The following ENTREP3 variants were observed in gnomAD, a reference collection of about 807,000 sequenced individuals.
ENTREP3 encodes endosomal transmembrane epsin interactor 3.
the ENTREP3 span, chr1:155,252,068 C>T: frequency 1.1e-5 from 6 of 527,566 alleles, no homozygotes; most frequent in South Asian, 1.8e-4. Context: ...CTCCTTAACC[C>T]CACGCTCACC....
At chr1:155,254,459 G>A in the ENTREP3 span, 1 of 1,614,174 alleles carries the variant, frequency 6.2e-7, no homozygotes. This position sits in a 1 kb window ranked among gnomAD's most constrained non-coding sequence, Gnocchi z 4.4. Flanking sequence ...AACGCCAGCT[G>A]GGGACAGAGT....
chr1:155,250,323 A>G, the ENTREP3 span: 7,467 of 1,546,714 alleles, frequency 4.8e-3, 79 homozygotes, highest in South Asian at 0.032. This position sits in a 1 kb window ranked among gnomAD's most constrained non-coding sequence, Gnocchi z 5.4. Context: ...GGACCGTGGC[A>G]GCAGCAGCGG....
At chr1:155,250,299 C>A in the ENTREP3 span, 1 of 1,547,502 alleles carries the variant, frequency 6.5e-7, no homozygotes, top group East Asian at 2.5e-5. This position sits in a 1 kb window ranked among gnomAD's most constrained non-coding sequence, Gnocchi z 5.4. Context: ...GGTCGTGATG[C>A]CTGGGTCGCT....
chr1:155,251,316 G>A, the ENTREP3 span: 1 of 761,560 alleles, frequency 1.3e-6, no homozygotes, highest in East Asian at 2.7e-5. Flanking sequence ...CTGTATGGCA[G>A]AAATGATAGC....
the ENTREP3 span, among the ~76,000 whole-genome samples, chr1:155,249,885 C>CAA: frequency 9.6e-5 from 3 of 31,106 alleles, no homozygotes; most frequent in Non-Finnish European, 1.2e-4. Context: ...GACACCGTCT[C>CAA]AAAAAAAAAA....
At chr1:155,252,712 A>AT in the ENTREP3 span, 3 of 50,148 alleles carry the variant, frequency 6.0e-5, no homozygotes, top group African/African-American at 3.3e-4. Context: ...ATATATATAT[A>AT]TATATATATA....
the ENTREP3 span, chr1:155,251,187 G>C: frequency 1.1e-5 from 17 of 1,574,072 alleles, no homozygotes; most frequent in Non-Finnish European, 1.5e-5. Flanking sequence ...CAGGGTCAAG[G>C]GTTCAGCCCT....
At chr1:155,254,425 G>A in the ENTREP3 span, 1 of 1,614,204 alleles carries the variant, frequency 6.2e-7, no homozygotes, top group Non-Finnish European at 8.5e-7. This position sits in a 1 kb window ranked among gnomAD's most constrained non-coding sequence, Gnocchi z 4.4. Context: ...CCGCTTCCAG[G>A]ACACAATGCC....
At chr1:155,250,739 C>T in the ENTREP3 span, 1 of 1,612,834 alleles carries the variant, frequency 6.2e-7, no homozygotes, top group African/African-American at 1.3e-5. This position sits in a 1 kb window ranked among gnomAD's most constrained non-coding sequence, Gnocchi z 5.4. Flanking sequence ...GCAGCTCCAG[C>T]AGGCACGAGT....
the ENTREP3 span, chr1:155,248,407 G>C: frequency 6.2e-7 from 1 of 1,614,076 alleles, no homozygotes; most frequent in Non-Finnish European, 8.5e-7. Context: ...TGCCTGACCT[G>C]TATCTGCAGA....
At chr1:155,254,624 C>G in the ENTREP3 span, 1 of 1,600,194 alleles carries the variant, frequency 6.2e-7, no homozygotes, top group Non-Finnish European at 8.5e-7. The surrounding 1 kb of genome is among the most constrained non-coding windows in gnomAD (Gnocchi z 4.4). Flanking sequence ...AGGAGCCTCC[C>G]CCACCCAACA....
At chr1:155,252,748 T>TTTTGTGG in the ENTREP3 span, 1 of 108,786 alleles carries the variant, frequency 9.2e-6, no homozygotes, top group Non-Finnish European at 1.8e-5. Context: ...TTTTTTTTTT[T>TTTTGTGG]GAGACGGAGT....
chr1:155,254,384 G>A, the ENTREP3 span: 1 of 1,613,814 alleles, frequency 6.2e-7, no homozygotes, highest in African/African-American at 1.3e-5. The surrounding 1 kb of genome is among the most constrained non-coding windows in gnomAD (Gnocchi z 4.4). Context: ...AGTGGGCACT[G>A]GACCCTGGCA....
At chr1:155,250,435 C>T in the ENTREP3 span, 1 of 1,488,214 alleles carries the variant, frequency 6.7e-7, no homozygotes, top group Non-Finnish European at 8.9e-7. This position sits in a 1 kb window ranked among gnomAD's most constrained non-coding sequence, Gnocchi z 5.4. Flanking sequence ...GGGGCTGCGG[C>T]TGGGCGGCCC....
chr1:155,249,011 C>T, the ENTREP3 span, among the ~76,000 whole-genome samples: 2 of 151,932 alleles, frequency 1.3e-5, no homozygotes, highest in African/African-American at 4.8e-5. Flanking sequence ...CAGCCTTGCC[C>T]GGCCACTGTC....
the ENTREP3 span, chr1:155,250,244 C>G: frequency 6.5e-7 from 1 of 1,535,310 alleles, no homozygotes; most frequent in Non-Finnish European, 8.8e-7. This position sits in a 1 kb window ranked among gnomAD's most constrained non-coding sequence, Gnocchi z 5.4. Flanking sequence ...CCTACCCTCT[C>G]CTGAGCCTGG....
chr1:155,248,132 C>T, the ENTREP3 span: 1 of 1,614,122 alleles, frequency 6.2e-7, no homozygotes, highest in Non-Finnish European at 8.5e-7. Context: ...CAGGCCCCGA[C>T]CTGGCCAGCT....
chr1:155,255,033 GC>G, the ENTREP3 span: 1 of 627,962 alleles, frequency 1.6e-6, no homozygotes, highest in Non-Finnish European at 2.8e-6. This position sits in a 1 kb window ranked among gnomAD's most constrained non-coding sequence, Gnocchi z 5.6. Context: ...AGGGACGCCA[GC>G]TGTGGGGGGG....
At chr1:155,254,985 G>A in the ENTREP3 span, 1 of 875,272 alleles carries the variant, frequency 1.1e-6, no homozygotes, top group Non-Finnish European at 1.8e-6. The surrounding 1 kb of genome is among the most constrained non-coding windows in gnomAD (Gnocchi z 4.4). Flanking sequence ...ACTCGCTCTA[G>A]AGCCCACCCC....
Sources: gnomAD v4.1 joint callset for allele counts (sites outside exome capture counted in the v4.1 genomes callset) on GRCh38, gnomAD v4.1.1 for gene constraint, Gnocchi (gnomAD v3.1) non-coding constraint, MANE v1.5 for transcripts, NCBI Gene and HGNC (gene_info 2026-07-23, HGNC 2026-07-21) for gene names.